GRM8: variants seen among roughly 807,000 people sequenced by gnomAD.
The protein encoded by GRM8 is glutamate metabotropic receptor 8.
In GRM8, 47 loss-of-function variants were observed where a neutral mutation model predicts 87.2. The observed-to-expected ratio is 0.54, with a 90% confidence interval of 0.43 to 0.69. The LOEUF (loss-of-function observed/expected upper bound fraction) is 0.69. Among genes scored for constraint, GRM8 ranks in the 30% least tolerant of loss-of-function variants. The probability of loss-of-function intolerance (pLI) is 0.00; values close to 1 mark genes in which losing one functional copy is unlikely to be tolerated. For missense variants in GRM8, 1,019 were observed against 1,139.2 expected (o/e 0.89, Z 1.52); for synonymous variants, 396 against 404.5 (o/e 0.98, Z 0.25).
chr7:126,454,216 T>C (rs1005255699), intron 9 of GRM8, among the ~76,000 whole-genome samples: 1 of 151,804 alleles, frequency 6.6e-6, no homozygotes, highest in African/African-American at 2.4e-5. Context: ...TATCTGTCTA[T>C]AGTTCTAGAA....
intron 10 of GRM8, among the ~76,000 whole-genome samples, chr7:126,442,001 C>T (rs573294704): frequency 0.014 from 653 of 45,474 alleles, 2 homozygotes; most frequent in South Asian, 0.036. Flanking sequence ...CTGCAAAATG[C>T]GTGAAAAAAA....
At chr7:126,558,144 T>G (rs10274867) in intron 8 of GRM8, among the ~76,000 whole-genome samples, 31,597 of 152,100 alleles carry the variant, frequency 0.21, 3,510 homozygotes, top group African/African-American at 0.29. Flanking sequence ...AGGATCAAAA[T>G]TCTAGGTAGC....
intron 1 of GRM8, among the ~76,000 whole-genome samples, chr7:127,245,842 T>C (rs941132295): frequency 5.9e-5 from 9 of 152,100 alleles, no homozygotes; most frequent in Non-Finnish European, 4.4e-5. Flanking sequence ...ATGTAACCTC[T>C]CTGAAGCTTG....
intron 2 of GRM8, among the ~76,000 whole-genome samples, chr7:127,206,468 T>A (rs1283583779): frequency 6.6e-6 from 1 of 152,214 alleles, no homozygotes; most frequent in African/African-American, 2.4e-5. Context: ...ATGTGTGGGC[T>A]TTGCTAAATA....
At chr7:126,647,954 G>T (rs1478830712) in intron 7 of GRM8, among the ~76,000 whole-genome samples, 4 of 152,086 alleles carry the variant, frequency 2.6e-5, no homozygotes, top group African/African-American at 9.7e-5. Context: ...TACATTGGAA[G>T]AAATCCAAAG....
intron 9 of GRM8, among the ~76,000 whole-genome samples, chr7:126,530,813 A>T (rs1299503494): frequency 6.6e-6 from 1 of 151,834 alleles, no homozygotes; most frequent in Non-Finnish European, 1.5e-5. Context: ...GCATTTATTT[A>T]TTTTTTTTGG....
chr7:126,446,376 AGG>A lies in GRM8; in HGVS notation c.2431-6_2431-5del. ...GTGTTGTTGTCTGGATGTACATCTG[AGG>A]GAAGAAAAAAAAAAGAATCACTGTT... On this transcript the variant is annotated splice_region_variant and splice_polypyrimidine_tract_variant and intron_variant, in intron 9 of 10. Transcript: ENST00000339582. 2 of 1,573,442 alleles carry A rather than the reference AGG, an allele frequency of 1.3e-6. No homozygotes were observed. The highest frequency in any genetic ancestry group is 3.6e-5 in the Admixed American group (2 of 56,168).
chr7:126,973,816 T>G (rs1012983537), intron 3 of GRM8, among the ~76,000 whole-genome samples: 3 of 152,204 alleles, frequency 2.0e-5, no homozygotes, highest in Admixed American at 6.5e-5. Context: ...AGAAAAATAC[T>G]GCATAATCTC....
intron 6 of GRM8, among the ~76,000 whole-genome samples, chr7:126,855,105 A>G (rs1003840186): frequency 1.4e-4 from 22 of 152,136 alleles, no homozygotes; most frequent in African/African-American, 4.8e-4. Context: ...AATATTTTCT[A>G]TATATTTTTA....
rs998447628 is a variant in GRM8, at chr7:126,771,355, C to G, written c.1157-1290G>C. ...TCTTAATCACTTGTGACACTCTGTG[C>G]TTTTAGATGCTCTTGGTTGGTATTC... On this transcript the variant is annotated intron_variant, in intron 6 of 10. Coordinates refer to ENST00000339582, the MANE Select transcript of GRM8 (RefSeq NM_000845.3). 1.5e-4 allele frequency among the ~76,000 whole-genome samples: 22 copies of G among 151,200 alleles called. 1 individual carries two copies. The highest frequency in any genetic ancestry group is 1.2e-3 in the Admixed American group (18 of 15,148).
rs17869566 is a variant in GRM8, at chr7:127,009,802, G to A, written c.727+96694C>T. 6.3e-3 allele frequency among the ~76,000 whole-genome samples: 963 copies of A among 151,734 alleles called. 8 individuals carry two copies. Among genetic ancestry groups the A allele is most frequent in the African/African-American group, 0.02 (845 of 41,328 alleles). ...TTCTCCTTTAAATTCTTTTCAACCC[G>A]TATAGCATGGTCAGAAATAAGGCTT... On this transcript the variant is annotated intron_variant, in intron 3 of 10. Transcript: ENST00000339582.
At chr7:126,911,008 G>GAAA (rs1803229936) in intron 3 of GRM8, among the ~76,000 whole-genome samples, 1 of 151,988 alleles carries the variant, frequency 6.6e-6, no homozygotes, top group Non-Finnish European at 1.5e-5. Context: ...AATTATAAAG[G>GAAA]GTAAATTCCT....
At chr7:126,506,550 C>A (rs570826630) in intron 9 of GRM8, among the ~76,000 whole-genome samples, 53 of 152,048 alleles carry the variant, frequency 3.5e-4, no homozygotes, top group African/African-American at 1.2e-3. Flanking sequence ...GAGGCCCAGG[C>A]GGGCAGATCA....
At chr7:127,151,579 C>G (rs951580035) in intron 2 of GRM8, among the ~76,000 whole-genome samples, 8 of 152,068 alleles carry the variant, frequency 5.3e-5, no homozygotes, top group African/African-American at 1.9e-4. Flanking sequence ...TGTTCAGTCA[C>G]GCTGCAACAT....
rs538917035 is a variant in GRM8, at chr7:126,943,606, C to T, written c.728-38923G>A. ...TCCATTAAATCATTGGCCCAGACTCCATTTGTCTTTAACAGGAAGGAATAG... is the reference window on the plus strand; with the variant it reads ...TCCATTAAATCATTGGCCCAGACTCTATTTGTCTTTAACAGGAAGGAATAG... On this transcript the variant is annotated intron_variant, in intron 3 of 10. Coordinates refer to ENST00000339582, the MANE Select transcript of GRM8 (RefSeq NM_000845.3). Among the ~76,000 whole-genome samples, 3 of 152,322 alleles carry T rather than the reference C, an allele frequency of 2.0e-5. No homozygotes were observed. The South Asian group carries it at 6.2e-4, about 32-fold the overall frequency.
At chr7:127,048,628 G>A (rs547522399) in intron 3 of GRM8, among the ~76,000 whole-genome samples, 1 of 152,256 alleles carries the variant, frequency 6.6e-6, no homozygotes, top group Non-Finnish European at 1.5e-5. Flanking sequence ...AGTAAGATGT[G>A]GAAGTTTAAA....
intron 2 of GRM8, among the ~76,000 whole-genome samples, chr7:127,221,205 A>G (rs1796907983): frequency 6.6e-6 from 1 of 152,200 alleles, no homozygotes; most frequent in Non-Finnish European, 1.5e-5. Flanking sequence ...TGTCATTTAC[A>G]TGTAAGGCAG....
At chr7:126,540,539 C>A (rs755667521) in intron 8 of GRM8, among the ~76,000 whole-genome samples, 1 of 151,984 alleles carries the variant, frequency 6.6e-6, no homozygotes, top group Non-Finnish European at 1.5e-5. Context: ...CAGAAACAAC[C>A]CAAATGACCA....
chr7:126,792,616 T>G (rs1358693044), intron 6 of GRM8, among the ~76,000 whole-genome samples: 2 of 152,354 alleles, frequency 1.3e-5, no homozygotes, highest in East Asian at 3.9e-4. Context: ...AGCCCTGCAA[T>G]TCAAGCAGTT....
Sources: gnomAD v4.1 joint callset for allele counts (sites outside exome capture counted in the v4.1 genomes callset) on GRCh38, gnomAD v4.1.1 for gene constraint, MANE v1.5 for transcripts, NCBI Gene and HGNC (gene_info 2026-07-23, HGNC 2026-07-21) for gene names.